Variants in SHANK2 observed in about 807,000 individuals in gnomAD.
SHANK2 encodes the protein SH3 and multiple ankyrin repeat domains protein 2.
A neutral mutation model predicts 133.7 loss-of-function variants in SHANK2; 43 were observed. That is an observed-to-expected ratio of 0.32 (90% CI 0.25 to 0.41). The LOEUF (loss-of-function observed/expected upper bound fraction) is 0.41. Ranked by LOEUF, SHANK2 falls within the 10% of genes least tolerant of loss-of-function variation. The probability of loss-of-function intolerance (pLI) is 1.00; values close to 1 mark genes in which losing one functional copy is unlikely to be tolerated. For synonymous variants in SHANK2, 1,017 were observed against 952.8 expected, an observed-to-expected ratio of 1.07 and a Z score of -1.24; for missense variants, 1,994 against 2,235.8, an observed-to-expected ratio of 0.89 and a Z score of 2.18.
rs782214324 is a variant in SHANK2 at position 70,486,297 on chromosome 11, G to A, written c.3996C>T (p.Asp1332=). The A allele has an allele frequency of 6.2e-7, 1 of 1,613,910 alleles. No homozygotes were observed. The highest frequency in any genetic ancestry group is 8.5e-7 in the Non-Finnish European group (1 of 1,180,034). ...TKLDNALQEE[D]EKAEVEMKPD... ...GCTTCATCTCCACCTCTGCCTTCTCGTCCTCTTCCTGCAGGGCGTTGTCCA... is the reference window on the plus strand; with the variant it reads ...GCTTCATCTCCACCTCTGCCTTCTCATCCTCTTCCTGCAGGGCGTTGTCCA... The change falls in exon 25 of 26, where the codon GAC becomes GAT. Residue 1332 remains aspartate, a synonymous_variant. Coordinates refer to ENST00000601538, the MANE Select transcript of SHANK2 (RefSeq NM_012309.5). The surrounding 1 kb of genome is among the most constrained non-coding windows in gnomAD (Gnocchi z 8.0).
At chr11:71,137,744 C>T (rs1249075073) in intron 3 of SHANK2, among the ~76,000 whole-genome samples, 3 of 152,278 alleles carry the variant, frequency 2.0e-5, no homozygotes, top group South Asian at 4.1e-4. Flanking sequence ...CAAGGACAAA[C>T]CTTCTTGAAG....
intron 2 of SHANK2, among the ~76,000 whole-genome samples, chr11:71,171,008 G>T (rs920213947): frequency 6.6e-6 from 1 of 152,214 alleles, no homozygotes; most frequent in Non-Finnish European, 1.5e-5. Flanking sequence ...ATCAAGGTGC[G>T]GTACAATCAG....
At chr11:70,905,949 T>A (rs1420449745) in intron 10 of SHANK2, among the ~76,000 whole-genome samples, 4 of 152,092 alleles carry the variant, frequency 2.6e-5, no homozygotes, top group African/African-American at 4.8e-5. Flanking sequence ...GTAGCTGGGA[T>A]TACAGGCACA....
In SHANK2 at chr11:70,766,199, T is replaced by C. The variant is rs370281686; in HGVS notation, c.1777+32244A>G. Among the ~76,000 whole-genome samples, 145 of 152,384 alleles carry C rather than the reference T, an allele frequency of 9.5e-4. 3 individuals are homozygous for C. The South Asian group carries it at 0.029, about 31-fold the overall frequency. On this transcript the variant is annotated intron_variant, in intron 14 of 25. Coordinates refer to ENST00000601538, the MANE Select transcript of SHANK2 (RefSeq NM_012309.5). ...AATGGCTGGAGTCTAAGCAGCCACC[T>C]TGAACTGCGAGGCAGCCTATTAAGG...
chr11:71,057,090 TTTGG>T (rs1950930286), intron 9 of SHANK2, among the ~76,000 whole-genome samples: 2 of 152,098 alleles, frequency 1.3e-5, no homozygotes, highest in Non-Finnish European at 2.9e-5. Flanking sequence ...ATCCCAACAC[TTTGG>T]GAGGTCGAGG....
intron 3 of SHANK2, among the ~76,000 whole-genome samples, chr11:71,130,898 G>T (rs1267732211): frequency 6.6e-6 from 1 of 152,192 alleles, no homozygotes; most frequent in Non-Finnish European, 1.5e-5. Context: ...AAGAACTTAG[G>T]AAAGCCGGAA....
rs1452023823 is a variant in SHANK2 at position 71,154,730 on chromosome 11, G to A, written c.-12-7392C>T. Among the ~76,000 whole-genome samples the A allele has an allele frequency of 1.4e-4, 15 of 104,092 alleles. 1 individual carries two copies. The highest frequency in any genetic ancestry group is 1.2e-3 in the East Asian group (4 of 3,412). The allele number at this position is 104,092 out of a possible 152,430, so 68.3% of individuals were successfully genotyped here. A position where few individuals can be genotyped will look rare whatever the true frequency, so the allele number is the denominator to read the frequency against. On this transcript the variant is annotated intron_variant, in intron 2 of 25. Transcript: ENST00000601538. ...GAGGGATGGACCTACCCCCACCCACGCTCCCAGAGGAGGGATGGACCTACC... is the reference window on the plus strand; with the variant it reads ...GAGGGATGGACCTACCCCCACCCACACTCCCAGAGGAGGGATGGACCTACC...
chr11:71,107,890 G>A (rs1055146096), intron 6 of SHANK2, among the ~76,000 whole-genome samples: 6 of 152,204 alleles, frequency 3.9e-5, no homozygotes, highest in Non-Finnish European at 7.3e-5. Context: ...GAAGAGAGGT[G>A]CAGAGCAGCT....
intron 17 of SHANK2, among the ~76,000 whole-genome samples, chr11:70,516,754 C>G (rs1442036733): frequency 1.3e-5 from 2 of 152,168 alleles, no homozygotes; most frequent in African/African-American, 2.4e-5. Flanking sequence ...TCTTACATCT[C>G]AACAGTAAGA....
chr11:71,063,277 A>G (rs1013981666), intron 9 of SHANK2, among the ~76,000 whole-genome samples: 42 of 152,352 alleles, frequency 2.8e-4, no homozygotes, highest in African/African-American at 9.6e-4. Flanking sequence ...GACGGAGTCA[A>G]TATCATACCT....
At chr11:71,249,744 G>A (rs1441581851) in intron 1 of SHANK2, among the ~76,000 whole-genome samples, 2 of 152,246 alleles carry the variant, frequency 1.3e-5, no homozygotes, top group Non-Finnish European at 2.9e-5. Flanking sequence ...AGTAAGGCAA[G>A]TATGCTAAAG....
At chr11:70,502,741 AC>A (rs1555159047) in intron 18 of SHANK2, 54 bp downstream of exon 18, 4,271 of 383,352 alleles carry the variant, frequency 0.011, 20 homozygotes, top group African/African-American at 0.078. Flanking sequence ...GCCCGCCCCC[AC>A]CCCCCCCCCC....
intron 14 of SHANK2, among the ~76,000 whole-genome samples, chr11:70,728,482 G>A (rs550039852): frequency 1.1e-4 from 17 of 152,322 alleles, no homozygotes; most frequent in Middle Eastern, 3.4e-3. Flanking sequence ...CGTCCTGGGC[G>A]GAAGCAAAGT....
intron 17 of SHANK2, among the ~76,000 whole-genome samples, chr11:70,591,990 G>A (rs507819): frequency 0.18 from 28,066 of 151,730 alleles, 3,376 homozygotes; most frequent in Middle Eastern, 0.3. Flanking sequence ...CCAAGATCGC[G>A]CCATCGCACT....
chr11:71,113,508 A>G (rs1040077053), intron 4 of SHANK2, 144 bp from the exon 5 acceptor site: 2 of 712,362 alleles, frequency 2.8e-6, no homozygotes, highest in Non-Finnish European at 2.5e-6. Context: ...AATGACTGGT[A>G]TTTGCACCCC....
chr11:71,071,187 C>T (rs1178145708), intron 9 of SHANK2, among the ~76,000 whole-genome samples: 1 of 152,204 alleles, frequency 6.6e-6, no homozygotes, highest in Non-Finnish European at 1.5e-5. Flanking sequence ...GATGTTGGTG[C>T]AGATGTGTTT....
intron 14 of SHANK2, among the ~76,000 whole-genome samples, chr11:70,783,004 G>T (rs1555045545): frequency 6.6e-6 from 1 of 152,122 alleles, no homozygotes; most frequent in East Asian, 1.9e-4. Flanking sequence ...CGAAGCTGGG[G>T]TCCCCAAGAT....
At chr11:70,613,875 C>T (rs1554995172) in intron 17 of SHANK2, among the ~76,000 whole-genome samples, 1 of 149,246 alleles carries the variant, frequency 6.7e-6, no homozygotes, top group African/African-American at 2.5e-5. Context: ...AGCAATTCTC[C>T]TGCCTCAGCC....
At chr11:71,130,576 A>T (rs1952282368) in intron 3 of SHANK2, among the ~76,000 whole-genome samples, 1 of 152,210 alleles carries the variant, frequency 6.6e-6, no homozygotes, top group Non-Finnish European at 1.5e-5. Context: ...TCTTATTGCC[A>T]TGGGTTATCT....
Sources: gnomAD v4.1 joint callset for allele counts (sites outside exome capture counted in the v4.1 genomes callset) on GRCh38, gnomAD v4.1.1 for gene constraint, Gnocchi (gnomAD v3.1) non-coding constraint, MANE v1.5 for transcripts, NCBI Gene and HGNC (gene_info 2026-07-23, HGNC 2026-07-21) for gene names.